Variants in CNTN1 observed in about 807,000 individuals in gnomAD.
CNTN1 encodes the protein contactin 1, also known as contactin-1.
Under a neutral mutation model 126.4 loss-of-function variants are expected in CNTN1, and 38 were observed. That is an observed-to-expected ratio of 0.30 (90% CI 0.23 to 0.39). CNTN1 has a LOEUF of 0.39. CNTN1 is among the 10% of genes least tolerant of loss of function. The probability of loss-of-function intolerance (pLI) is 1.00; values close to 1 mark genes in which losing one functional copy is unlikely to be tolerated. For synonymous variants in CNTN1, 413 were observed against 422.6 expected (o/e 0.98, Z 0.28); for missense variants, 1,009 against 1,248.4 (o/e 0.81, Z 2.89).
intron 17 of CNTN1, among the ~76,000 whole-genome samples, chr12:41,001,923 C>A (rs2120602899): frequency 6.6e-6 from 1 of 152,212 alleles, no homozygotes; most frequent in African/African-American, 2.4e-5. Context: ...TTTCAAAAAT[C>A]AGATAGCTGT....
intron 1 of CNTN1, among the ~76,000 whole-genome samples, chr12:40,707,232 T>C (rs1236605685): frequency 2.3e-3 from 4 of 1,764 alleles, no homozygotes; most frequent in African/African-American, 3.4e-3. Flanking sequence ...TTTTTCTTTT[T>C]TTTTTTTTTT....
chr12:40,921,262 T>C (rs1216532695), intron 4 of CNTN1, among the ~76,000 whole-genome samples: 1 of 138,974 alleles, frequency 7.2e-6, no homozygotes, highest in Non-Finnish European at 1.6e-5. Context: ...TGATTATTAC[T>C]CTAATTAGAA....
intron 1 of CNTN1, among the ~76,000 whole-genome samples, chr12:40,702,596 C>A (rs1215823333): frequency 6.6e-6 from 1 of 152,120 alleles, no homozygotes; most frequent in Non-Finnish European, 1.5e-5. Context: ...AGGAGCCTGC[C>A]ACCATGCTCC....
At chr12:41,025,465 A>G in intron 21 of CNTN1, 129 bp downstream of exon 21, 1 of 860,760 alleles carries the variant, frequency 1.2e-6, no homozygotes, top group Non-Finnish European at 1.9e-6. Flanking sequence ...TTACAGCCAC[A>G]CAAGATTTCC....
At chr12:40,891,055 A>T (rs60409838) in intron 1 of CNTN1, among the ~76,000 whole-genome samples, 29,638 of 152,008 alleles carry the variant, frequency 0.19, 5,043 homozygotes, top group African/African-American at 0.47. Context: ...GATTTTTGCC[A>T]TTTGAATTGG....
chr12:40,710,646 A>T (rs1342457973), intron 1 of CNTN1, among the ~76,000 whole-genome samples: 1 of 152,170 alleles, frequency 6.6e-6, no homozygotes, highest in African/African-American at 2.4e-5. Flanking sequence ...CTGAATATGG[A>T]AATCTAATAT....
At position 41,071,547 on chromosome 12, in the gene CNTN1, A is replaced by G. The variant is rs1354306636; in HGVS notation, c.*1512A>G. ...GATCTATTACTACTTTACCGACTTT[A>G]CCCCCTTTCTTTAATTTGTATAATT... On this transcript the variant is annotated 3_prime_UTR_variant, in exon 24 of 24. Coordinates refer to ENST00000551295, the MANE Select transcript of CNTN1 (RefSeq NM_001843.4). 1.3e-5 allele frequency: 2 copies of G among 152,118 alleles called. No homozygotes were observed. Among genetic ancestry groups the G allele is most frequent in the South Asian group, 4.1e-4 (2 of 4,832 alleles). The allele number at this position is 152,118 out of a possible 1,614,324, so 9.4% of individuals were successfully genotyped here. A position where few individuals can be genotyped will look rare whatever the true frequency, so the allele number is the denominator to read the frequency against.
chr12:40,849,903 A>G (rs1942656721), intron 1 of CNTN1, among the ~76,000 whole-genome samples: 1 of 152,020 alleles, frequency 6.6e-6, no homozygotes, highest in Non-Finnish European at 1.5e-5. Context: ...TAGTACATAC[A>G]GTATATATGC....
intron 1 of CNTN1, among the ~76,000 whole-genome samples, chr12:40,820,802 C>A (rs1941419457): frequency 6.6e-6 from 1 of 152,182 alleles, no homozygotes; most frequent in Admixed American, 6.5e-5. Context: ...TTCTAGACAT[C>A]TCTAGATATC....
At chr12:40,970,948 A>C (rs961920394) in intron 15 of CNTN1, among the ~76,000 whole-genome samples, 1 of 152,168 alleles carries the variant, frequency 6.6e-6, no homozygotes, top group Non-Finnish European at 1.5e-5. Flanking sequence ...ATGAATGTAT[A>C]TATCGACATA....
chr12:40,890,292 C>CA (rs1944196342), intron 1 of CNTN1, among the ~76,000 whole-genome samples: 1 of 152,196 alleles, frequency 6.6e-6, no homozygotes, highest in Non-Finnish European at 1.5e-5. Context: ...CCACTGTCAA[C>CA]ATCCCGCACC....
intron 1 of CNTN1, among the ~76,000 whole-genome samples, chr12:40,842,504 G>A (rs1253940902): frequency 6.6e-6 from 1 of 151,950 alleles, no homozygotes; most frequent in East Asian, 1.9e-4. Context: ...ATTATCACAT[G>A]TACCCCCATA....
intron 15 of CNTN1, among the ~76,000 whole-genome samples, chr12:40,962,592 G>A (rs983194489): frequency 1.3e-5 from 2 of 152,170 alleles, no homozygotes; most frequent in East Asian, 3.9e-4. Flanking sequence ...GAAAGCAGTG[G>A]CAATTGTCGC....
At chr12:40,943,521 GTGTT>G in intron 12 of CNTN1, 72 bp from the exon 13 acceptor site, 1 of 1,107,348 alleles carries the variant, frequency 9.0e-7, no homozygotes, top group Non-Finnish European at 1.3e-6. Flanking sequence ...AAAAATATTA[GTGTT>G]TGTAATCTAA....
At chr12:40,934,939 G>T (rs1026372379) in intron 9 of CNTN1, among the ~76,000 whole-genome samples, 1 of 151,902 alleles carries the variant, frequency 6.6e-6, no homozygotes, top group Non-Finnish European at 1.5e-5. Flanking sequence ...TGCACTTCAT[G>T]TCTGCAACCT....
At chr12:40,783,875 A>T (rs1442033599) in intron 1 of CNTN1, among the ~76,000 whole-genome samples, 1 of 152,142 alleles carries the variant, frequency 6.6e-6, no homozygotes, top group Non-Finnish European at 1.5e-5. Flanking sequence ...GATGGAAATT[A>T]TATGTGTAAC....
At chr12:40,805,632 C>A (rs1940823818) in intron 1 of CNTN1, among the ~76,000 whole-genome samples, 2 of 152,048 alleles carry the variant, frequency 1.3e-5, no homozygotes, top group Non-Finnish European at 2.9e-5. Context: ...AATTCTCTAT[C>A]TGATAGTTTC....
intron 1 of CNTN1, among the ~76,000 whole-genome samples, chr12:40,871,848 GA>G (rs1457819797): frequency 6.6e-6 from 1 of 152,010 alleles, no homozygotes; most frequent in East Asian, 1.9e-4. Flanking sequence ...AAAAAATGCA[GA>G]TTTTTTGGCC....
intron 1 of CNTN1, among the ~76,000 whole-genome samples, chr12:40,826,163 A>G (rs1186957321): frequency 6.6e-6 from 1 of 152,200 alleles, no homozygotes; most frequent in African/African-American, 2.4e-5. Flanking sequence ...GATTTCCTAA[A>G]TTATTGTACT....
Sources: allele counts gnomAD v4.1 joint callset (sites outside exome capture counted in the v4.1 genomes callset), GRCh38; gene constraint gnomAD v4.1.1; transcripts MANE v1.5; gene names NCBI Gene and HGNC (gene_info 2026-07-23, HGNC 2026-07-21).